Variants in OVCH2 observed in about 807,000 individuals in gnomAD.
OVCH2 encodes ovochymase 2.
Under a neutral mutation model 73.7 loss-of-function variants are expected in OVCH2, and 88 were observed. The observed-to-expected ratio is 1.19, with a 90% CI of 1.01 to 1.43. OVCH2 has a LOEUF of 1.43. Among genes scored for constraint, OVCH2 ranks in the 40% most tolerant of loss-of-function variants. The pLI is 0.00. For missense variants in OVCH2, 706 were observed against 674.5 expected, an observed-to-expected ratio of 1.05 and a Z score of -0.52; for synonymous variants, 265 against 234.5, an observed-to-expected ratio of 1.13 and a Z score of -1.19.
intron 7 of OVCH2, 188 bp from the exon 8 acceptor site, chr11:7,698,961 A>G: frequency 1.8e-6 from 1 of 563,706 alleles, no homozygotes; most frequent in Non-Finnish European, 3.1e-6. Context: ...TTTTAAAATG[A>G]TTTAATTCTC....
At chr11:7,691,696 G>A (rs1179483982) in intron 13 of OVCH2, among the ~76,000 whole-genome samples, 4 of 152,094 alleles carry the variant, frequency 2.6e-5, no homozygotes, top group Non-Finnish European at 4.4e-5. Context: ...TGGGCCTTTT[G>A]CATTTCTGTT....
chr11:7,693,036 T>C (rs1856251881), intron 12 of OVCH2, among the ~76,000 whole-genome samples: 1 of 152,218 alleles, frequency 6.6e-6, no homozygotes, highest in Admixed American at 6.5e-5. Flanking sequence ...ACTATCTAGA[T>C]AGAAGGAACA....
In OVCH2 at chr11:7,694,803, C is replaced by CTTTTT. The variant is rs34314441; in HGVS notation, c.1413+250_1413+254dup. On this transcript the variant is annotated intron_variant, in intron 12 of 15. Transcript: ENST00000533663. ...ATTCAATACAAAGATTAAAGCGGCA[C>CTTTTT]TTTTTTTTTTTTTTTTTTTTTTTAA... Among the ~76,000 whole-genome samples, 971 of 108,340 alleles carry CTTTTT rather than the reference C, an allele frequency of 9.0e-3. 32 individuals are homozygous for CTTTTT. The highest frequency in any genetic ancestry group is 0.03 in the African/African-American group (832 of 27,572). 71.1% of individuals were successfully genotyped at this position (108,340 alleles called of 152,430 possible).
chr11:7,698,830 C>T, intron 7 of OVCH2, 57 bp from the exon 8 acceptor site: 1 of 1,574,376 alleles, frequency 6.4e-7, no homozygotes, highest in South Asian at 1.1e-5. Flanking sequence ...AACAACGCTT[C>T]AAGAAGTTAG....
chr11:7,689,627 C>A, intron 15 of OVCH2, 25 bp from the exon 16 acceptor site: 1 of 493,774 alleles, frequency 2.0e-6, no homozygotes, highest in Non-Finnish European at 4.0e-6. Context: ...TTGCCCCAAC[C>A]TCTGCCTTCA....
chr11:7,684,269 C>T, the OVCH2 span, among the ~76,000 whole-genome samples: 5 of 151,976 alleles, frequency 3.3e-5, no homozygotes, highest in Admixed American at 3.3e-4. Flanking sequence ...CACTGGAAAG[C>T]AATAGCCTTT....
At chr11:7,685,068 G>C (rs560505592), downstream of OVCH2, among the ~76,000 whole-genome samples, 7 of 152,212 alleles carry the variant, frequency 4.6e-5, no homozygotes, top group Non-Finnish European at 5.9e-5. Context: ...AAGCAGAGAG[G>C]CATTCTTTCT....
chr11:7,695,316 G>C (rs1565167691), intron 11 of OVCH2, 128 bp from the exon 12 acceptor site: 3 of 1,220,252 alleles, frequency 2.5e-6, no homozygotes, highest in Non-Finnish European at 3.4e-6. Context: ...AACAAGAAAA[G>C]ACGTAGTGCA....
downstream of OVCH2, among the ~76,000 whole-genome samples, chr11:7,688,696 A>C (rs1228908655): frequency 6.6e-6 from 1 of 152,232 alleles, no homozygotes; most frequent in African/African-American, 2.4e-5. Flanking sequence ...CAAAATGGCA[A>C]ACTATAAAAG....
chr11:7,697,974 T>C (rs548167317), intron 8 of OVCH2, among the ~76,000 whole-genome samples: 1 of 152,362 alleles, frequency 6.6e-6, no homozygotes, highest in African/African-American at 2.4e-5. Flanking sequence ...ATGTTTCTAT[T>C]CTTCTCCCTT....
intron 7 of OVCH2, 88 bp from the exon 8 acceptor site, chr11:7,698,861 G>C: frequency 7.2e-7 from 1 of 1,393,478 alleles, no homozygotes; most frequent in Middle Eastern, 1.8e-4. Context: ...GCGCACAAGA[G>C]ATTTTTAAGT....
At chr11:7,695,494 A>T (rs1021724482) in intron 11 of OVCH2, 76 bp downstream of exon 11, 1 of 1,387,798 alleles carries the variant, frequency 7.2e-7, no homozygotes, top group African/African-American at 1.5e-5. Context: ...GATCCCTGCC[A>T]CTCACCTAAT....
In OVCH2 at chr11:7,704,596, C is replaced by T; in HGVS notation, c.167G>A (p.Ser56Asn). The change falls in exon 2 of 16, where the codon AGC (serine) becomes AAC (asparagine). Residue 56 changes from serine (S) to asparagine (N), a missense_variant. Physicochemically the swap from Ser to Asn is conservative, Grantham distance 46 (BLOSUM62 1). Transcript: ENST00000533663. ...FNIFSRILGG[S>N]QVEKGSYPWQ... is the part of the protein sequence containing the mutation. ...GGGATAGGAACCCTTCTCCACTTGGCTTCCTCCAAGAATGCGACTGAAAAT... is the reference window on the plus strand; with the variant it reads ...GGGATAGGAACCCTTCTCCACTTGGTTTCCTCCAAGAATGCGACTGAAAAT... 1 of 1,612,392 alleles carries T rather than the reference C, an allele frequency of 6.2e-7. No homozygotes were observed. Among genetic ancestry groups the T allele is most frequent in the Non-Finnish European group, 8.5e-7 (1 of 1,179,066 alleles).
chr11:7,694,043 C>T (rs1427023055), intron 12 of OVCH2, among the ~76,000 whole-genome samples: 2 of 152,232 alleles, frequency 1.3e-5, no homozygotes, highest in Non-Finnish European at 2.9e-5. Context: ...TCTCCTCCCA[C>T]ATCTCAGAGT....
chr11:7,703,207 G>C (rs1273542228), intron 3 of OVCH2, among the ~76,000 whole-genome samples: 1 of 152,120 alleles, frequency 6.6e-6, no homozygotes, highest in African/African-American at 2.4e-5. Flanking sequence ...GTCAATAATA[G>C]GATATTTGGA....
At chr11:7,681,358 T>G in the OVCH2 span, among the ~76,000 whole-genome samples, 24,400 of 152,248 alleles carry the variant, frequency 0.16, 2,048 homozygotes, top group Middle Eastern at 0.18. Flanking sequence ...CTGGAATATC[T>G]TCAACCATTA....
chr11:7,683,048 G>A, the OVCH2 span, among the ~76,000 whole-genome samples: 2 of 152,250 alleles, frequency 1.3e-5, no homozygotes, highest in South Asian at 2.1e-4. Flanking sequence ...ATGTTGGAGT[G>A]CCCCAGGGCT....
rs553747227 is a variant in OVCH2 at position 7,689,540 on chromosome 11, G to A, written c.*94C>T. ...CTCTGTCTGAGGGCTGTGACGAGGA[G>A]TCTGCCCCAAGCCTCTCCTCTAGCT... is the stretch of plus-strand genomic sequence containing the variant. On this transcript the variant is annotated 3_prime_UTR_variant, in exon 16 of 16. Transcript: ENST00000533663. 7.9e-5 allele frequency: 35 copies of A among 441,102 alleles called. No homozygotes were observed. Among genetic ancestry groups the A allele is most frequent in the South Asian group, 5.7e-4 (35 of 61,082 alleles). 27.3% of individuals were successfully genotyped at this position (441,102 alleles called of 1,614,324 possible).
chr11:7,694,990 C>T, intron 12 of OVCH2, 68 bp downstream of exon 12: 1 of 1,496,278 alleles, frequency 6.7e-7, no homozygotes, highest in South Asian at 1.3e-5. Flanking sequence ...AACCTCTGAC[C>T]TCATGGTGCT....
Sources: gnomAD v4.1 joint callset for allele counts (sites outside exome capture counted in the v4.1 genomes callset) on GRCh38, gnomAD v4.1.1 for gene constraint, MANE v1.5 for transcripts, NCBI Gene and HGNC (gene_info 2026-07-23, HGNC 2026-07-21) for gene names.